PHF14: variants seen among roughly 807,000 people sequenced by gnomAD.
PHF14 encodes PHD finger protein 14.
In PHF14, 55 loss-of-function variants were observed where a neutral mutation model predicts 117.9. That is an observed-to-expected ratio of 0.47 (90% CI 0.38 to 0.58). The LOEUF is 0.58. Ranked by LOEUF, PHF14 falls within the 20% of genes least tolerant of loss-of-function variation. The pLI is 0.00. For missense variants in PHF14, 978 were observed against 1,122.2 expected (o/e 0.87, Z 1.84); for synonymous variants, 409 against 368.6 (o/e 1.11, Z -1.26).
At chr7:11,070,957 A>G (rs1374471450) in intron 16 of PHF14, among the ~76,000 whole-genome samples, 1 of 152,240 alleles carries the variant, frequency 6.6e-6, no homozygotes, top group Non-Finnish European at 1.5e-5. Context: ...TTGAAAATAT[A>G]AAAACTTTTA....
At chr7:11,051,521 T>G in intron 13 of PHF14, 91 bp from the exon 14 acceptor site, 1 of 1,003,010 alleles carries the variant, frequency 1.0e-6, no homozygotes, top group Non-Finnish European at 1.4e-6. Context: ...TATATTATTC[T>G]TATATACCTG....
At chr7:11,019,663 G>C (rs1462409256) in intron 5 of PHF14, among the ~76,000 whole-genome samples, 4 of 151,980 alleles carry the variant, frequency 2.6e-5, no homozygotes, top group Non-Finnish European at 5.9e-5. Flanking sequence ...GTTTGTCAGT[G>C]TTGTTTACCT....
At chr7:11,093,092 C>T (rs1201301073) in intron 16 of PHF14, among the ~76,000 whole-genome samples, 1 of 152,180 alleles carries the variant, frequency 6.6e-6, no homozygotes, top group African/African-American at 2.4e-5. Context: ...TCTAATTTCC[C>T]TTAGGACTTT....
At chr7:11,105,212 G>A in intron 16 of PHF14, 2 of 961,516 alleles carry the variant, frequency 2.1e-6, no homozygotes, top group African/African-American at 1.8e-5. Flanking sequence ...CTTAACTTTA[G>A]AAATTATATT....
chr7:11,141,003 A>G (rs1024933292), intron 17 of PHF14, among the ~76,000 whole-genome samples: 7 of 152,226 alleles, frequency 4.6e-5, no homozygotes, highest in Non-Finnish European at 1.5e-5. Flanking sequence ...TAAGTAAAAT[A>G]TGTTCTGAGG....
intron 16 of PHF14, among the ~76,000 whole-genome samples, chr7:11,068,939 T>G (rs1385841407): frequency 3.3e-5 from 5 of 152,214 alleles, no homozygotes; most frequent in African/African-American, 1.2e-4. Context: ...CTTGCATGTC[T>G]TTTATTACAT....
At chr7:11,134,907 A>G (rs1788176410) in intron 17 of PHF14, among the ~76,000 whole-genome samples, 1 of 152,122 alleles carries the variant, frequency 6.6e-6, no homozygotes, top group Non-Finnish European at 1.5e-5. Context: ...AAAAGACTGA[A>G]TGCATTCTTA....
chr7:11,085,116 A>G (rs557996188), intron 16 of PHF14, among the ~76,000 whole-genome samples: 168 of 152,318 alleles, frequency 1.1e-3, no homozygotes, highest in African/African-American at 3.8e-3. Context: ...TATGAAATAG[A>G]CAACAGATAT....
rs2128356457 is a variant in PHF14, at chr7:11,159,482, A to C, written c.2773-9934A>C. Among the ~76,000 whole-genome samples the C allele has an allele frequency of 2.6e-5, 4 of 152,200 alleles. No homozygotes were observed. In the Middle Eastern group the frequency reaches 0.01, roughly 388 times the overall value. ...TGTTATTTTTCTGTTTTTTTCTGAGAGAAAAATATATATTTAATACATATG... is the reference window on the plus strand; with the variant it reads ...TGTTATTTTTCTGTTTTTTTCTGAGCGAAAAATATATATTTAATACATATG... On this transcript the variant is annotated intron_variant, in intron 17 of 17. Transcript: ENST00000634607.
chr7:11,133,640 G>T (rs1376812746), intron 17 of PHF14, among the ~76,000 whole-genome samples: 1 of 151,884 alleles, frequency 6.6e-6, no homozygotes, highest in Non-Finnish European at 1.5e-5. Flanking sequence ...CCCCTAGCAA[G>T]ACACTCTTTT....
At chr7:11,039,899 G>A (rs1327514494) in intron 11 of PHF14, among the ~76,000 whole-genome samples, 6 of 152,126 alleles carry the variant, frequency 3.9e-5, no homozygotes, top group Admixed American at 2.0e-4. Flanking sequence ...AATATTTAGA[G>A]GAGTTAATGT....
At chr7:11,142,989 G>A (rs976937539) in intron 17 of PHF14, among the ~76,000 whole-genome samples, 1 of 152,100 alleles carries the variant, frequency 6.6e-6, no homozygotes, top group African/African-American at 2.4e-5. Context: ...ACAGTGAAAT[G>A]TTTGCATAGA....
chr7:11,159,467 C>T (rs1159007416), intron 17 of PHF14, among the ~76,000 whole-genome samples: 2 of 151,728 alleles, frequency 1.3e-5, no homozygotes, highest in East Asian at 3.9e-4. Context: ...TGTTATTTTT[C>T]TGTTTTTTTC....
intron 17 of PHF14, among the ~76,000 whole-genome samples, chr7:11,137,197 A>G (rs1788246102): frequency 2.0e-5 from 3 of 152,232 alleles, no homozygotes; most frequent in South Asian, 2.1e-4. Flanking sequence ...CAGAAAATAT[A>G]TACAAAATTA....
intron 16 of PHF14, among the ~76,000 whole-genome samples, chr7:11,069,512 T>G (rs934843805): frequency 6.6e-6 from 1 of 150,898 alleles, no homozygotes; most frequent in Non-Finnish European, 1.5e-5. Context: ...TAAACCCTTC[T>G]GGTCTGATGT....
At position 11,022,793 on chromosome 7, in the gene PHF14, C is replaced by T. The variant is rs2301962; in HGVS notation, c.1206-75C>T. The stretch of plus-strand genomic sequence containing the variant: ...CTTGGTAGTATTTTGAGATGGCAAG[C>T]GTTTTATATGTTTGTTTTGTGTGTG... On this transcript the variant is annotated intron_variant, in intron 5 of 17. Transcript: ENST00000634607. The T allele has an allele frequency of 9.6e-3, 6,658 of 692,404 alleles. 312 individuals carry two copies. In the East Asian group the frequency reaches 0.12, roughly 13 times the overall value. The allele number at this position is 692,404 out of a possible 1,614,324, so 42.9% of individuals were successfully genotyped here.
At chr7:11,036,201 T>G (rs1375917285) in intron 8 of PHF14, among the ~76,000 whole-genome samples, 20 of 152,136 alleles carry the variant, frequency 1.3e-4, no homozygotes, top group Admixed American at 1.3e-3. Flanking sequence ...AAACTCTGAT[T>G]ATAAGTTAGG....
chr7:11,074,852 C>A (rs1232784026), intron 16 of PHF14, among the ~76,000 whole-genome samples: 2 of 151,880 alleles, frequency 1.3e-5, no homozygotes, highest in African/African-American at 2.4e-5. Context: ...TGTCCCTTGT[C>A]TTCCTGTCTT....
intron 17 of PHF14, among the ~76,000 whole-genome samples, chr7:11,121,520 T>A (rs1787752527): frequency 6.6e-6 from 1 of 152,136 alleles, no homozygotes; most frequent in African/African-American, 2.4e-5. Flanking sequence ...TTAAACCAGT[T>A]ATTTTTTCCT....
Sources: gnomAD v4.1 joint callset for allele counts (sites outside exome capture counted in the v4.1 genomes callset) on GRCh38, gnomAD v4.1.1 for gene constraint, MANE v1.5 for transcripts, NCBI Gene and HGNC (gene_info 2026-07-23, HGNC 2026-07-21) for gene names.